Variants in HMBOX1 observed in about 807,000 individuals in gnomAD.
HMBOX1 encodes homeobox-containing protein 1.
In HMBOX1, 14 loss-of-function variants were observed where a neutral mutation model predicts 54.5. That is an observed-to-expected ratio of 0.26 (90% confidence interval 0.17 to 0.40). The LOEUF (loss-of-function observed/expected upper bound fraction) is 0.40. Among genes scored for constraint, HMBOX1 ranks in the 10% least tolerant of loss-of-function variants. The pLI is 1.00. For missense variants in HMBOX1, 332 were observed against 514.4 expected (o/e 0.65, Z 3.43); for synonymous variants, 160 against 181.0 (o/e 0.88, Z 0.93).
chr8:29,022,282 G>T (rs1801305718), intron 6 of HMBOX1, among the ~76,000 whole-genome samples: 1 of 151,994 alleles, frequency 6.6e-6, no homozygotes. Flanking sequence ...GCAAGGCGTG[G>T]TAGGGCATGC....
chr8:29,043,582 T>C (rs934510149), intron 6 of HMBOX1, among the ~76,000 whole-genome samples: 4 of 152,236 alleles, frequency 2.6e-5, no homozygotes, highest in African/African-American at 7.2e-5. Context: ...TTTTCGTTTT[T>C]GTATATTTTG....
intron 9 of HMBOX1, chr8:29,049,253 C>T (rs1440149440): frequency 2.0e-5 from 30 of 1,521,520 alleles, no homozygotes; most frequent in African/African-American, 5.5e-5. Context: ...TGTGAGAGAT[C>T]GTTATTCACC....
chr8:29,010,297 C>T (rs561615272), intron 5 of HMBOX1: 33 of 351,588 alleles, frequency 9.4e-5, no homozygotes, highest in Non-Finnish European at 1.3e-4. Context: ...CAGTGGCTCA[C>T]GCCTGTAATC....
Position 29,051,209 on chromosome 8 carries a change from G to T in HMBOX1, c.*54G>T. On this transcript the variant is annotated 3_prime_UTR_variant, in exon 10 of 10. Coordinates refer to ENST00000287701, the MANE Select transcript of HMBOX1 (RefSeq NM_001135726.3). ...TTAGTTTAGACGTAGCACCTTAGCA[G>T]ACTTTCCTCGGTCCTTAACATGTGT... is the stretch of plus-strand genomic sequence containing the variant. 1.9e-6 allele frequency: 3 copies of T among 1,585,906 alleles called. No individual in the cohort carries two copies. The highest frequency in any genetic ancestry group is 2.6e-6 in the Non-Finnish European group (3 of 1,161,732).
intron 4 of HMBOX1, among the ~76,000 whole-genome samples, chr8:28,992,327 T>C (rs1340836461): frequency 1.3e-5 from 2 of 152,222 alleles, no homozygotes; most frequent in South Asian, 2.1e-4. Context: ...TGGCACATAG[T>C]AAATGCCATA....
intron 5 of HMBOX1, chr8:29,009,703 C>T: frequency 7.8e-7 from 1 of 1,287,392 alleles, no homozygotes; most frequent in Non-Finnish European, 1.0e-6. Flanking sequence ...GCCCTGATGA[C>T]TCCCAGGAGC....
intron 6 of HMBOX1, among the ~76,000 whole-genome samples, chr8:29,041,352 T>TGAAA (rs1317256020): frequency 6.6e-6 from 1 of 152,204 alleles, no homozygotes; most frequent in African/African-American, 2.4e-5. Flanking sequence ...TTGCCTTCTC[T>TGAAA]TGTTAGCAGT....
intron 1 of HMBOX1, among the ~76,000 whole-genome samples, chr8:28,925,375 C>T (rs1288636847): frequency 6.6e-6 from 1 of 151,884 alleles, no homozygotes; most frequent in Non-Finnish European, 1.5e-5. Context: ...TTTTTTTCTT[C>T]AGGGTGTTCT....
chr8:28,974,862 A>G (rs1483597344), intron 3 of HMBOX1, among the ~76,000 whole-genome samples: 2 of 152,200 alleles, frequency 1.3e-5, no homozygotes, highest in African/African-American at 4.8e-5. Flanking sequence ...TGTCAGATAG[A>G]TGATTACCTT....
At chr8:29,023,937 T>G (rs937331471) in intron 6 of HMBOX1, among the ~76,000 whole-genome samples, 21 of 152,214 alleles carry the variant, frequency 1.4e-4, no homozygotes, top group Non-Finnish European at 1.0e-4. Flanking sequence ...TTGAAAAGTT[T>G]CCAAGTGATT....
At chr8:28,934,884 G>A (rs1306434079) in intron 1 of HMBOX1, among the ~76,000 whole-genome samples, 4 of 148,326 alleles carry the variant, frequency 2.7e-5, no homozygotes, top group South Asian at 2.1e-4. Flanking sequence ...CCGAGATCGC[G>A]CCACTGGACT....
intron 4 of HMBOX1, among the ~76,000 whole-genome samples, chr8:28,990,742 G>C (rs573321589): frequency 1.3e-5 from 2 of 152,000 alleles, no homozygotes; most frequent in South Asian, 2.1e-4. Context: ...TGCAACTTCT[G>C]TCCTAGGTTC....
intron 3 of HMBOX1, among the ~76,000 whole-genome samples, chr8:28,971,083 CTACT>C (rs1201532313): frequency 1.7e-5 from 2 of 117,296 alleles, no homozygotes; most frequent in African/African-American, 6.4e-5. Flanking sequence ...GAAAAGAAAT[CTACT>C]TTTTTTTTTT....
intron 1 of HMBOX1, chr8:28,956,049 G>A (rs1339654588): frequency 6.6e-6 from 1 of 151,834 alleles, no homozygotes; most frequent in Non-Finnish European, 1.5e-5. Context: ...ATTCTCAGGA[G>A]TAGGATTGCT....
At chr8:28,994,422 A>T (rs2132642501) in intron 4 of HMBOX1, among the ~76,000 whole-genome samples, 1 of 152,370 alleles carries the variant, frequency 6.6e-6, no homozygotes, top group East Asian at 1.9e-4. Flanking sequence ...ATGAAAAAAT[A>T]AATATAGATA....
At position 29,049,251 on chromosome 8, in the gene HMBOX1, A is replaced by G. The variant is rs758449902; in HGVS notation, c.1125+203A>G. On this transcript the variant is annotated intron_variant, in intron 9 of 9. Transcript: ENST00000287701. The stretch of plus-strand genomic sequence containing the variant: ...AGTTGTCCTGTTGAATTTGTGAGAG[A>G]TCGTTATTCACCCACATGGATTTAT... The G allele has an allele frequency of 2.0e-6, 3 of 1,522,132 alleles. No homozygotes were observed. The Admixed American group carries it at 6.0e-5, about 30-fold the overall frequency. The allele number at this position is 1,522,132 out of a possible 1,614,324, so 94.3% of individuals were successfully genotyped here.
intron 1 of HMBOX1, among the ~76,000 whole-genome samples, chr8:28,919,771 A>G (rs1168309072): frequency 6.6e-6 from 1 of 152,244 alleles, no homozygotes; most frequent in Non-Finnish European, 1.5e-5. Context: ...AAGGTAGTAT[A>G]TAATTTGTAT....
intron 6 of HMBOX1, among the ~76,000 whole-genome samples, chr8:29,022,807 A>T (rs1801392171): frequency 6.7e-6 from 1 of 148,466 alleles, no homozygotes. Flanking sequence ...TTTCTCGGAA[A>T]ATACTTTGTT....
At chr8:28,989,680 T>C (rs1830696589) in intron 4 of HMBOX1, among the ~76,000 whole-genome samples, 1 of 152,218 alleles carries the variant, frequency 6.6e-6, no homozygotes, top group Non-Finnish European at 1.5e-5. Context: ...CTATTGACTT[T>C]ATAGGTCTTT....
Sources: gnomAD v4.1 joint callset for allele counts (sites outside exome capture counted in the v4.1 genomes callset) on GRCh38, gnomAD v4.1.1 for gene constraint, MANE v1.5 for transcripts, NCBI Gene and HGNC (gene_info 2026-07-23, HGNC 2026-07-21) for gene names.